DAB2IP: variants seen among roughly 807,000 people sequenced by gnomAD.
The protein encoded by DAB2IP is DAB2 interacting protein.
DAB2IP carries 28 observed loss-of-function variants against 107.2 expected under a neutral mutation model. That is an observed-to-expected ratio of 0.26 (90% CI 0.19 to 0.36). The LOEUF (loss-of-function observed/expected upper bound fraction) is 0.36. DAB2IP is among the 10% of genes least tolerant of loss of function. The probability of loss-of-function intolerance (pLI) is 1.00; values close to 1 mark genes in which losing one functional copy is unlikely to be tolerated. For synonymous variants in DAB2IP, 755 were observed against 706.4 expected, an observed-to-expected ratio of 1.07 and a Z score of -1.09; for missense variants, 1,400 against 1,644.7, an observed-to-expected ratio of 0.85 and a Z score of 2.57.
chr9:121,603,166 G>A (rs1479752680), intron 1 of DAB2IP, among the ~76,000 whole-genome samples: 1 of 152,200 alleles, frequency 6.6e-6, no homozygotes, highest in Admixed American at 6.5e-5. Context: ...GAGGAGCGGG[G>A]TGGTTCTGTT....
intron 10 of DAB2IP, 96 bp downstream of exon 10, chr9:121,768,729 C>T: frequency 6.7e-7 from 1 of 1,499,820 alleles, no homozygotes; most frequent in South Asian, 1.2e-5. Flanking sequence ...AGAGAGTTTG[C>T]CCAAGTGGCA....
chr9:121,620,481 A>G (rs1831423718), intron 1 of DAB2IP, among the ~76,000 whole-genome samples: 1 of 152,224 alleles, frequency 6.6e-6, no homozygotes, highest in East Asian at 1.9e-4. Flanking sequence ...TGACATTCCC[A>G]TCTGTAAAAT....
chr9:121,743,891 A>G (rs1832531298), intron 3 of DAB2IP, among the ~76,000 whole-genome samples: 1 of 147,210 alleles, frequency 6.8e-6, no homozygotes, highest in South Asian at 2.1e-4. Flanking sequence ...CTACGCAGAC[A>G]TCCACTGCCG....
rs140010117 is a variant in DAB2IP at position 121,583,150 on chromosome 9, G to A, written c.40+15922G>A. On this transcript the variant is annotated intron_variant, in intron 1 of 16. Coordinates refer to the DAB2IP transcript ENST00000259371. ...CCCCTTAATCCCAACACTTTGGGAG[G>A]CCAAGGTGGGTGGATCACTTAAGGT... Among the ~76,000 whole-genome samples, 688 of 152,350 alleles carry A rather than the reference G, an allele frequency of 4.5e-3. 3 individuals are homozygous for A. The highest frequency in any genetic ancestry group is 0.016 in the African/African-American group (659 of 41,580).
chr9:121,672,122 T>C (rs1833707646), intron 1 of DAB2IP, among the ~76,000 whole-genome samples: 1 of 152,250 alleles, frequency 6.6e-6, no homozygotes, highest in Non-Finnish European at 1.5e-5. Context: ...TTCATTTCTT[T>C]TACTTAGTTT....
chr9:121,690,941 T>C (rs989072043), intron 2 of DAB2IP, among the ~76,000 whole-genome samples: 8 of 152,174 alleles, frequency 5.3e-5, no homozygotes, highest in Non-Finnish European at 8.8e-5. Context: ...GCTGTGAGTC[T>C]GCCTGGAATG....
intron 2 of DAB2IP, among the ~76,000 whole-genome samples, chr9:121,686,117 G>C (rs1183688802): frequency 6.6e-6 from 1 of 152,208 alleles, no homozygotes; most frequent in Non-Finnish European, 1.5e-5. Flanking sequence ...ACTGGGTGGG[G>C]ATCCAGCATG....
intron 1 of DAB2IP, among the ~76,000 whole-genome samples, chr9:121,588,350 T>C (rs1830349669): frequency 6.6e-6 from 1 of 152,052 alleles, no homozygotes; most frequent in African/African-American, 2.4e-5. Context: ...CCTCTCTCAC[T>C]GGCAGCCCCA....
chr9:121,595,941 G>A (rs541035214), intron 1 of DAB2IP, among the ~76,000 whole-genome samples: 1 of 152,132 alleles, frequency 6.6e-6, no homozygotes, highest in Non-Finnish European at 1.5e-5. Flanking sequence ...CCAACACTTT[G>A]TTTGGGAGGC....
intron 3 of DAB2IP, among the ~76,000 whole-genome samples, chr9:121,750,394 A>C (rs1833031076): frequency 1.3e-5 from 2 of 152,064 alleles, no homozygotes; most frequent in African/African-American, 4.8e-5. Context: ...TGCCCAGCCC[A>C]TTACCCTGGC....
chr9:121,611,119 G>A (rs1018136249), intron 1 of DAB2IP, among the ~76,000 whole-genome samples: 2 of 152,122 alleles, frequency 1.3e-5, no homozygotes, highest in African/African-American at 4.8e-5. Context: ...GGGATTACAG[G>A]TGCCTGCCAC....
intron 9 of DAB2IP, among the ~76,000 whole-genome samples, chr9:121,767,004 GTAT>G (rs1465444571): frequency 6.6e-6 from 1 of 152,136 alleles, no homozygotes; most frequent in South Asian, 2.1e-4. Flanking sequence ...TTGAATTAAT[GTAT>G]TATTATAAGG....
rs183396803 is a variant in DAB2IP, at chr9:121,729,626, T to C, written c.363-27387T>C. 3.3e-5 allele frequency among the ~76,000 whole-genome samples: 5 copies of C among 152,344 alleles called. No individual in the cohort carries two copies. In the East Asian group the frequency reaches 9.6e-4, roughly 29 times the overall value. ...TATAAGTAAACAGGTGGGAGGACTCTAGCACACCATTAATTGCTTTACATA... is the reference window on the plus strand; with the variant it reads ...TATAAGTAAACAGGTGGGAGGACTCCAGCACACCATTAATTGCTTTACATA... On this transcript the variant is annotated intron_variant, in intron 3 of 15. Transcript: ENST00000408936.
At chr9:121,610,271 G>A (rs1397786394) in intron 1 of DAB2IP, among the ~76,000 whole-genome samples, 1 of 152,154 alleles carries the variant, frequency 6.6e-6, no homozygotes, top group Non-Finnish European at 1.5e-5. Flanking sequence ...CCTCACATTG[G>A]CTGTGTGACC....
exon 12 of DAB2IP, chr9:121,773,445 T>C (rs770094906): frequency 3.9e-6 from 6 of 1,543,338 alleles, no homozygotes; most frequent in African/African-American, 1.4e-5. Flanking sequence ...GCAGTCCTCT[T>C]CCTCCAAGGG....
At chr9:121,778,222 G>A (rs1835341754) in intron 14 of DAB2IP, among the ~76,000 whole-genome samples, 1 of 152,214 alleles carries the variant, frequency 6.6e-6, no homozygotes, top group Non-Finnish European at 1.5e-5. Flanking sequence ...TAATATAAAA[G>A]CACTAATTCC....
At chr9:121,601,707 G>A (rs1420202485) in intron 1 of DAB2IP, among the ~76,000 whole-genome samples, 1 of 152,154 alleles carries the variant, frequency 6.6e-6, no homozygotes, top group Non-Finnish European at 1.5e-5. Context: ...ACAAACCCAT[G>A]AGGTTGATTA....
chr9:121,598,233 C>T (rs998857280), intron 1 of DAB2IP: 1 of 152,320 alleles, frequency 6.6e-6, no homozygotes, highest in Non-Finnish European at 1.5e-5. Flanking sequence ...GGCTGCCGTT[C>T]GGGGAGTTCA....
chr9:121,645,277 G>A (rs554727747), intron 1 of DAB2IP, among the ~76,000 whole-genome samples: 84 of 152,318 alleles, frequency 5.5e-4, no homozygotes, highest in East Asian at 2.9e-3. Context: ...CTGAAATGCC[G>A]GCTGCTAGGG....
Sources: allele counts gnomAD v4.1 joint callset (sites outside exome capture counted in the v4.1 genomes callset), GRCh38; gene constraint gnomAD v4.1.1; transcripts MANE v1.5; gene names NCBI Gene and HGNC (gene_info 2026-07-23, HGNC 2026-07-21).